GRID2: variants seen among roughly 807,000 people sequenced by gnomAD.
GRID2 encodes the protein glutamate ionotropic receptor delta type subunit 2, also known as glutamate receptor ionotropic, delta-2.
A neutral mutation model predicts 114.8 loss-of-function variants in GRID2; 33 were observed. The observed-to-expected ratio is 0.29, with a 90% CI of 0.22 to 0.38. The LOEUF is 0.38. GRID2 is among the 10% of genes least tolerant of loss of function. GRID2 has a pLI of 1.00. For synonymous variants in GRID2, 505 were observed against 449.9 expected (o/e 1.12, Z -1.55); for missense variants, 1,184 against 1,257.7 (o/e 0.94, Z 0.89).
chr4:92,910,277 A>T (rs1748274142), intron 2 of GRID2, among the ~76,000 whole-genome samples: 1 of 152,122 alleles, frequency 6.6e-6, no homozygotes, highest in Admixed American at 6.6e-5. Context: ...TTACAATTAC[A>T]GACTGCTGCA....
intron 1 of GRID2, among the ~76,000 whole-genome samples, chr4:92,485,827 T>C (rs1023548680): frequency 6.6e-6 from 1 of 152,182 alleles, no homozygotes; most frequent in African/African-American, 2.4e-5. Flanking sequence ...TATGTTTGTA[T>C]GTCTGACATA....
chr4:93,019,135 T>C (rs1411137135), intron 2 of GRID2, among the ~76,000 whole-genome samples: 2 of 152,264 alleles, frequency 1.3e-5, no homozygotes, highest in East Asian at 3.9e-4. Context: ...TGAGTTCCAA[T>C]ATATATTCTC....
intron 11 of GRID2, among the ~76,000 whole-genome samples, chr4:93,468,688 G>A (rs1724520757): frequency 6.6e-6 from 1 of 152,066 alleles, no homozygotes; most frequent in Admixed American, 6.5e-5. Context: ...ATTGACCTTT[G>A]TAGACTTTCA....
intron 3 of GRID2, among the ~76,000 whole-genome samples, chr4:93,100,261 T>C (rs1731584883): frequency 1.3e-5 from 2 of 151,880 alleles, no homozygotes. Context: ...GATCACAAGC[T>C]ATTATCAAAT....
chr4:93,778,489 T>C (rs1479477621), downstream of GRID2, among the ~76,000 whole-genome samples: 1 of 143,608 alleles, frequency 7.0e-6, no homozygotes, highest in African/African-American at 2.5e-5. Context: ...CTTTGCCTCC[T>C]AGGCTCAGGC....
chr4:93,100,196 A>G (rs1295202260), intron 3 of GRID2, among the ~76,000 whole-genome samples: 2 of 151,958 alleles, frequency 1.3e-5, no homozygotes, highest in Non-Finnish European at 1.5e-5. Flanking sequence ...ACAAATATTG[A>G]TCAGCATCAA....
chr4:92,372,123 A>G (rs1472961926), intron 1 of GRID2, among the ~76,000 whole-genome samples: 1 of 151,894 alleles, frequency 6.6e-6, no homozygotes, highest in African/African-American at 2.4e-5. Flanking sequence ...ATAGATAAGC[A>G]AAAAAATGTC....
At chr4:92,536,370 G>A (rs1407920855) in intron 1 of GRID2, among the ~76,000 whole-genome samples, 1 of 152,118 alleles carries the variant, frequency 6.6e-6, no homozygotes, top group African/African-American at 2.4e-5. Context: ...TAGCTAGACA[G>A]AAACGTTCTC....
intron 2 of GRID2, among the ~76,000 whole-genome samples, chr4:93,071,158 G>A (rs1011350194): frequency 6.6e-6 from 1 of 152,180 alleles, no homozygotes; most frequent in Middle Eastern, 3.4e-3. Flanking sequence ...TCCATTTAGG[G>A]ATCTTCTTTA....
chr4:93,053,635 T>G (rs993992152), intron 2 of GRID2, among the ~76,000 whole-genome samples: 1 of 152,004 alleles, frequency 6.6e-6, no homozygotes, highest in Admixed American at 6.6e-5. Flanking sequence ...AAGAGTCATA[T>G]TTGCATAGCT....
At chr4:92,927,900 T>C (rs1370022562) in intron 2 of GRID2, among the ~76,000 whole-genome samples, 1 of 151,746 alleles carries the variant, frequency 6.6e-6, no homozygotes. Flanking sequence ...ACTTACCAGT[T>C]GAGGATCTCA....
chr4:93,381,774 C>A (rs972352275), intron 8 of GRID2, among the ~76,000 whole-genome samples: 1 of 152,068 alleles, frequency 6.6e-6, no homozygotes, highest in Non-Finnish European at 1.5e-5. Context: ...ATATCAGTTT[C>A]TTGAATTAAA....
intron 2 of GRID2, among the ~76,000 whole-genome samples, chr4:92,658,789 GTGTGTATA>G (rs1399322183): frequency 5.8e-5 from 3 of 51,470 alleles, no homozygotes; most frequent in African/African-American, 3.1e-4. Context: ...ATGTGTGTGT[GTGTGTATA>G]TATATATATA....
chr4:92,898,834 A>T (rs1747360639), intron 2 of GRID2, among the ~76,000 whole-genome samples: 1 of 152,122 alleles, frequency 6.6e-6, no homozygotes, highest in Non-Finnish European at 1.5e-5. Context: ...GGTTACTCGA[A>T]AGCAGTTTTC....
intron 2 of GRID2, among the ~76,000 whole-genome samples, chr4:92,689,089 C>A (rs1405621188): frequency 6.6e-6 from 1 of 152,100 alleles, no homozygotes; most frequent in Non-Finnish European, 1.5e-5. Context: ...AGCACTACAT[C>A]TCAACAGTGG....
intron 2 of GRID2, chr4:92,885,242 T>A (rs1331741524): frequency 1.2e-5 from 2 of 165,536 alleles, no homozygotes; most frequent in Non-Finnish European, 2.6e-5. Context: ...GATCTGAGGT[T>A]TGATGGTAAT....
chr4:92,651,736 C>G (rs888495405), intron 2 of GRID2, among the ~76,000 whole-genome samples: 1 of 152,050 alleles, frequency 6.6e-6, no homozygotes, highest in Non-Finnish European at 1.5e-5. Flanking sequence ...TTTCTCCTTC[C>G]AAGCAAATTC....
chr4:93,784,162 A>G (rs1452781878), intron 1 of GRID2, among the ~76,000 whole-genome samples: 1 of 151,124 alleles, frequency 6.6e-6, no homozygotes, highest in Admixed American at 6.6e-5. Flanking sequence ...TCCAGCCCTA[A>G]TGCTACAAGA....
intron 14 of GRID2, among the ~76,000 whole-genome samples, chr4:93,731,178 C>A (rs1243766974): frequency 6.6e-6 from 1 of 152,170 alleles, no homozygotes; most frequent in African/African-American, 2.4e-5. Context: ...ATATGCAGTG[C>A]TCCATAAATG....
Sources: allele counts gnomAD v4.1 joint callset (sites outside exome capture counted in the v4.1 genomes callset), GRCh38; gene constraint gnomAD v4.1.1; transcripts MANE v1.5; gene names NCBI Gene and HGNC (gene_info 2026-07-23, HGNC 2026-07-21).